Variants in CD37 observed in about 807,000 individuals in gnomAD.
CD37 encodes the protein CD37 molecule.
Under a neutral mutation model 38.9 loss-of-function variants are expected in CD37, and 37 were observed. That is an observed-to-expected ratio of 0.95 (90% confidence interval 0.73 to 1.25). The LOEUF is 1.25. Among genes scored for constraint, CD37 ranks in the 50% most tolerant of loss-of-function variants. The probability of loss-of-function intolerance (pLI) is 0.00; values close to 1 mark genes in which losing one functional copy is unlikely to be tolerated. For missense variants in CD37, 351 were observed against 360.1 expected (o/e 0.97, Z 0.20); for synonymous variants, 146 against 150.1 (o/e 0.97, Z 0.20).
chr19:49,339,564 G>A lies in CD37; in HGVS notation c.768+151G>A. The A allele has an allele frequency of 6.8e-7, 1 of 1,466,322 alleles. No homozygotes were observed. The allele number at this position is 1,466,322 out of a possible 1,614,324, so 90.8% of individuals were successfully genotyped here. ...CCCGCCGCTCCACCCAGCACCGGAG[G>A]GTGGGGGCGGCCCAGCTTCAGGGAG... On this transcript the variant is annotated intron_variant, in intron 7 of 7. Coordinates refer to ENST00000323906, the MANE Select transcript of CD37 (RefSeq NM_001774.3). The surrounding 1 kb of genome is among the most constrained non-coding windows in gnomAD (Gnocchi z 4.5).
In CD37 at chr19:49,339,242, G is replaced by T; in HGVS notation, c.685-88G>T. The T allele has an allele frequency of 8.4e-7, 1 of 1,188,336 alleles. No homozygotes were observed. The highest frequency in any genetic ancestry group is 1.3e-5 in the South Asian group (1 of 76,090). 73.6% of individuals were successfully genotyped at this position (1,188,336 alleles called of 1,614,324 possible). On this transcript the variant is annotated intron_variant, in intron 6 of 7. Transcript: ENST00000323906. This position sits in a 1 kb window ranked among gnomAD's most constrained non-coding sequence, Gnocchi z 4.5. Reference sequence around the variant, plus strand: ...CTAGGGGAGCGGGTAGATGCCTGAAGACGGTGAGGGTTGGCCTGAAAAGAA... The same window carrying T: ...CTAGGGGAGCGGGTAGATGCCTGAATACGGTGAGGGTTGGCCTGAAAAGAA...
At position 49,339,336 on chromosome 19, in the gene CD37, G is replaced by A. The variant is rs762094839; in HGVS notation, c.691G>A (p.Ala231Thr). The A allele has an allele frequency of 5.0e-6, 8 of 1,613,924 alleles. No individual in the cohort carries two copies. The highest frequency in any genetic ancestry group is 6.8e-6 in the Non-Finnish European group (8 of 1,179,860). The change falls in exon 7 of 8, where the codon GCG (alanine) becomes ACG (threonine). Residue 231 changes from alanine (A) to threonine (T), a missense_variant. Physicochemically the swap from Ala to Thr is moderately conservative, Grantham distance 58. Transcript: ENST00000323906. The surrounding 1 kb of genome is among the most constrained non-coding windows in gnomAD (Gnocchi z 4.5). ...AESHIYREGC[A>T]QGLQKWLHNN... ...TTTTCCCTACACCCCCCAGGGCTGC[G>A]CGCAGGGCCTCCAGAAGTGGCTGCA...
chr19:49,339,448 T>C lies in CD37; in HGVS notation c.768+35T>C, dbSNP rs546126082. ...CCCCGCCCCCACCCGCGATCGGCCC[T>C]AAATCCCTAGATGGCCCTGCCCTTC... On this transcript the variant is annotated intron_variant, in intron 7 of 7. Coordinates refer to ENST00000323906, the MANE Select transcript of CD37 (RefSeq NM_001774.3). This position sits in a 1 kb window ranked among gnomAD's most constrained non-coding sequence, Gnocchi z 4.5. 13 of 1,595,856 alleles carry C rather than the reference T, an allele frequency of 8.1e-6. No homozygotes were observed. The African/African-American group carries it at 1.7e-4, about 21-fold the overall frequency.
At chr19:49,337,302 C>A in intron 4 of CD37, 81 bp downstream of exon 4, 2 of 1,368,664 alleles carry the variant, frequency 1.5e-6, no homozygotes, top group South Asian at 1.2e-5. Context: ...GGAGAGAGAC[C>A]GAAACAAGGG....
chr19:49,339,244 C>T lies in CD37; in HGVS notation c.685-86C>T. 2 of 1,203,256 alleles carry T rather than the reference C, an allele frequency of 1.7e-6. No homozygotes were observed. The highest frequency in any genetic ancestry group is 1.3e-5 in the South Asian group (1 of 76,624). The allele number at this position is 1,203,256 out of a possible 1,614,324, so 74.5% of individuals were successfully genotyped here. Reference sequence around the variant, plus strand: ...AGGGGAGCGGGTAGATGCCTGAAGACGGTGAGGGTTGGCCTGAAAAGAACG... The same window carrying T: ...AGGGGAGCGGGTAGATGCCTGAAGATGGTGAGGGTTGGCCTGAAAAGAACG... On this transcript the variant is annotated intron_variant, in intron 6 of 7. Coordinates refer to ENST00000323906, the MANE Select transcript of CD37 (RefSeq NM_001774.3). This position sits in a 1 kb window ranked among gnomAD's most constrained non-coding sequence, Gnocchi z 4.5.
In CD37 at chr19:49,339,194, A is replaced by T. The variant is rs1416722020; in HGVS notation, c.685-136A>T. 1.3e-6 allele frequency: 1 copy of T among 790,706 alleles called. No homozygotes were observed. The highest frequency in any genetic ancestry group is 2.1e-6 in the Non-Finnish European group (1 of 473,224). The allele number at this position is 790,706 out of a possible 1,614,324, so 49.0% of individuals were successfully genotyped here. A position where few individuals can be genotyped will look rare whatever the true frequency, so the allele number is the denominator to read the frequency against. ...AAGGTGAAGCGAGGGTGCACTAGTA[A>T]GGAGACTAGAGTGCCCTGGTGACTA... On this transcript the variant is annotated intron_variant, in intron 6 of 7. Transcript: ENST00000323906. The surrounding 1 kb of genome is among the most constrained non-coding windows in gnomAD (Gnocchi z 4.5).
rs1373303626 is a variant in CD37, at chr19:49,335,942, C to A, written c.142+156C>A. ...GGAGGCTTCTTGGAGCCTGAGTCTT[C>A]TTCCGGCAAATGGGGTTGTGCATAC... On this transcript the variant is annotated intron_variant, in intron 2 of 7. Coordinates refer to ENST00000323906, the MANE Select transcript of CD37 (RefSeq NM_001774.3). The surrounding 1 kb of genome is among the most constrained non-coding windows in gnomAD (Gnocchi z 4.6). The A allele has an allele frequency of 3.0e-6, 2 of 671,822 alleles. No individual in the cohort carries two copies. The highest frequency in any genetic ancestry group is 1.8e-5 in the African/African-American group (1 of 55,790). The allele number at this position is 671,822 out of a possible 1,614,324, so 41.6% of individuals were successfully genotyped here.
In CD37 at chr19:49,336,975, G is replaced by C; in HGVS notation, c.209G>C (p.Gly70Ala). ...GCCATCTCAGGAATCTTCACCATGG[G>C]CATCGCCCTCCTGGGTTGTGTGGGG... Reference protein sequence around the residue: ...VLAISGIFTMGIALLGCVGAL... With the variant: ...VLAISGIFTMAIALLGCVGAL... The change falls in exon 3 of 8, where the codon GGC (glycine) becomes GCC (alanine). Residue 70 changes from glycine (G) to alanine (A), a missense_variant. Gly to Ala is a moderately conservative substitution (Grantham distance 60, BLOSUM62 0). Transcript: ENST00000323906. 6.2e-7 allele frequency: 1 copy of C among 1,614,162 alleles called. No homozygotes were observed. Among genetic ancestry groups the C allele is most frequent in the African/African-American group, 1.3e-5 (1 of 75,072 alleles).
chr19:49,339,409 T>G lies in CD37; in HGVS notation c.764T>G (p.Leu255Arg). The change falls in exon 7 of 8, where the codon CTC becomes CGC. Residue 255 changes from leucine to arginine, a missense_variant. By Grantham distance (102) the Leu-to-Arg change is moderately radical. Transcript: ENST00000323906. The surrounding 1 kb of genome is among the most constrained non-coding windows in gnomAD (Gnocchi z 4.5). The part of the protein sequence containing the change: ...IVGICLGVGL[L>R]ELGFMTLSIF... ...GGCATTTGCCTGGGCGTCGGCCTAC[T>G]CGAGGTGATCTGGCCCCGCCCCCAC... 1.2e-6 allele frequency: 2 copies of G among 1,613,594 alleles called. No homozygotes were observed. The highest frequency in any genetic ancestry group is 1.7e-6 in the Non-Finnish European group (2 of 1,179,718).
rs989145843 is a variant in CD37 at position 49,337,842 on chromosome 19, G to T, written c.343-83G>T. 5 of 1,598,168 alleles carry T rather than the reference G, an allele frequency of 3.1e-6. No homozygotes were observed. The African/African-American group carries it at 5.4e-5, about 17-fold the overall frequency. On this transcript the variant is annotated intron_variant, in intron 4 of 7. Coordinates refer to ENST00000323906, the MANE Select transcript of CD37 (RefSeq NM_001774.3). Reference sequence around the variant, plus strand: ...TTGAGACTGGCCCAGAGATGCACAGGGCCCGCCTGAGGCTGGCACAGCCTG... The same window carrying T: ...TTGAGACTGGCCCAGAGATGCACAGTGCCCGCCTGAGGCTGGCACAGCCTG...
At chr19:49,337,531 A>G in intron 4 of CD37, 1 of 845,502 alleles carries the variant, frequency 1.2e-6, no homozygotes, top group Non-Finnish European at 1.7e-6. Flanking sequence ...TCGAGGTGGG[A>G]GGATCACTTG....
In CD37 at chr19:49,335,660, C is replaced by G. The variant is rs1303489834; in HGVS notation, c.69+51C>G. On this transcript the variant is annotated intron_variant, in intron 1 of 7. Coordinates refer to ENST00000323906, the MANE Select transcript of CD37 (RefSeq NM_001774.3). This position sits in a 1 kb window ranked among gnomAD's most constrained non-coding sequence, Gnocchi z 4.6. ...CGGGGCCCAGCCCCTGCCGCTAACC[C>G]AGCCCTCATCTTCCCCTGTGGCCCA... 6.2e-7 allele frequency: 1 copy of G among 1,609,890 alleles called. No homozygotes were observed. The highest frequency in any genetic ancestry group is 1.3e-5 in the African/African-American group (1 of 74,786).
Position 49,340,489 on chromosome 19 carries a change from T to C in CD37, c.*161T>C. 1 of 664,874 alleles carries C rather than the reference T, an allele frequency of 1.5e-6. No homozygotes were observed. The highest frequency in any genetic ancestry group is 3.6e-4 in the Middle Eastern group (1 of 2,808). 41.2% of individuals were successfully genotyped at this position (664,874 alleles called of 1,614,324 possible). On this transcript the variant is annotated 3_prime_UTR_variant, in exon 8 of 8. Coordinates refer to ENST00000323906, the MANE Select transcript of CD37 (RefSeq NM_001774.3). ...TGCGTGCCCCTGCTGCTGTCACCTC[T>C]CCCACGGGACCTGGGGCTTTCGTCC...
Position 49,339,321 on chromosome 19 carries a change from ACCCCCCAGGG to A in CD37, c.685-7_687del. On this transcript the variant is annotated splice_acceptor_variant and splice_polypyrimidine_tract_variant and coding_sequence_variant and intron_variant, in exon 7 of 8. Transcript: ENST00000323906. LOFTEE classifies it high-confidence loss of function. This position sits in a 1 kb window ranked among gnomAD's most constrained non-coding sequence, Gnocchi z 4.5. ...AAGAATCCCTTTAACTTTTCCCTAC[ACCCCCCAGGG>A]CTGCGCGCAGGGCCTCCAGAAGTGG... 6.2e-7 allele frequency: 1 copy of A among 1,611,794 alleles called. No individual in the cohort carries two copies. The highest frequency in any genetic ancestry group is 8.5e-7 in the Non-Finnish European group (1 of 1,178,716).
In CD37 at chr19:49,340,235, TCTC is replaced by T. The variant is rs765835577; in HGVS notation, c.769-13_769-11del. 3 of 1,577,490 alleles carry T rather than the reference TCTC, an allele frequency of 1.9e-6. No homozygotes were observed. Among genetic ancestry groups the T allele is most frequent in the Non-Finnish European group, 2.6e-6 (3 of 1,156,160 alleles). On this transcript the variant is annotated splice_polypyrimidine_tract_variant and intron_variant, in intron 7 of 7. Coordinates refer to ENST00000323906, the MANE Select transcript of CD37 (RefSeq NM_001774.3). ...CACCCCTTCGACTTCTCTGACCTCA[TCTC>T]CTTTCTCTATAGCTCGGGTTCATGA... is the stretch of plus-strand genomic sequence containing the variant.
intron 2 of CD37, chr19:49,336,081 C>G (rs1600669280): frequency 2.1e-6 from 1 of 473,462 alleles, no homozygotes; most frequent in East Asian, 3.5e-5. Context: ...AGAGGGGAAG[C>G]CCCTTGATGG....
Position 49,340,411 on chromosome 19 carries a change from C to A in CD37, c.*83C>A. On this transcript the variant is annotated 3_prime_UTR_variant, in exon 8 of 8. Coordinates refer to ENST00000323906, the MANE Select transcript of CD37 (RefSeq NM_001774.3). Reference sequence around the variant, plus strand: ...GCTGCCTGTAAATATTTGTTTAATCCCCAGTTCGCCTGGAGCCCTCCGCCT... The same window carrying A: ...GCTGCCTGTAAATATTTGTTTAATCACCAGTTCGCCTGGAGCCCTCCGCCT... 2 of 997,338 alleles carry A rather than the reference C, an allele frequency of 2.0e-6. No individual in the cohort carries two copies. The highest frequency in any genetic ancestry group is 2.4e-5 in the East Asian group (1 of 41,476). 61.8% of individuals were successfully genotyped at this position (997,338 alleles called of 1,614,324 possible). A position where few individuals can be genotyped will look rare whatever the true frequency, so the allele number is the denominator to read the frequency against.
chr19:49,339,444 G>C lies in CD37; in HGVS notation c.768+31G>C. 3 of 1,600,022 alleles carry C rather than the reference G, an allele frequency of 1.9e-6. No homozygotes were observed. The highest frequency in any genetic ancestry group is 2.6e-6 in the Non-Finnish European group (3 of 1,169,180). On this transcript the variant is annotated intron_variant, in intron 7 of 7. Coordinates refer to ENST00000323906, the MANE Select transcript of CD37 (RefSeq NM_001774.3). The surrounding 1 kb of genome is among the most constrained non-coding windows in gnomAD (Gnocchi z 4.5). Reference sequence around the variant, plus strand: ...CTGGCCCCGCCCCCACCCGCGATCGGCCCTAAATCCCTAGATGGCCCTGCC... The same window carrying C: ...CTGGCCCCGCCCCCACCCGCGATCGCCCCTAAATCCCTAGATGGCCCTGCC...
rs1019161931 is a variant in CD37 at position 49,339,067 on chromosome 19, G to A, written c.684+131G>A. ...AAGGAAAGGTACGGCAGGAGGGGCGGGGCCCTCTGAAGGGGGCGGGGTCTG... is the reference window on the plus strand; with the variant it reads ...AAGGAAAGGTACGGCAGGAGGGGCGAGGCCCTCTGAAGGGGGCGGGGTCTG... On this transcript the variant is annotated intron_variant, in intron 6 of 7. Coordinates refer to ENST00000323906, the MANE Select transcript of CD37 (RefSeq NM_001774.3). This position sits in a 1 kb window ranked among gnomAD's most constrained non-coding sequence, Gnocchi z 4.5. The A allele has an allele frequency of 2.5e-6, 2 of 794,326 alleles. No homozygotes were observed. The allele number at this position is 794,326 out of a possible 1,614,324, so 49.2% of individuals were successfully genotyped here.
Sources: gnomAD v4.1 joint callset for allele counts on GRCh38, gnomAD v4.1.1 for gene constraint, Gnocchi (gnomAD v3.1) non-coding constraint, MANE v1.5 for transcripts, NCBI Gene and HGNC (gene_info 2026-07-23, HGNC 2026-07-21) for gene names.